SIRPG: variants seen among roughly 807,000 people sequenced by gnomAD.
SIRPG encodes signal-regulatory protein gamma.
In SIRPG, 38 loss-of-function variants were observed where a neutral mutation model predicts 35.7. That is an observed-to-expected ratio of 1.06 (90% confidence interval 0.82 to 1.40). SIRPG has a LOEUF of 1.40. Ranked by LOEUF, SIRPG falls within the 40% of genes most tolerant of loss-of-function variation. SIRPG has a pLI of 0.00. For missense variants in SIRPG, 519 were observed against 483.0 expected (o/e 1.07, Z -0.70); for synonymous variants, 215 against 190.4 (o/e 1.13, Z -1.06).
At chr20:1,674,903 C>T in the SIRPG span, among the ~76,000 whole-genome samples, 1 of 152,312 alleles carries the variant, frequency 6.6e-6, no homozygotes, top group South Asian at 2.1e-4. Flanking sequence ...AATGAAGGCA[C>T]TGCCTCCTTG....
intron 2 of SIRPG, among the ~76,000 whole-genome samples, chr20:1,643,598 A>G (rs2091873621): frequency 6.6e-6 from 1 of 152,074 alleles, no homozygotes; most frequent in African/African-American, 2.4e-5. Context: ...TCCTTTGTCC[A>G]GTTTTGCACC....
At chr20:1,664,674 T>C in the SIRPG span, among the ~76,000 whole-genome samples, 4 of 152,148 alleles carry the variant, frequency 2.6e-5, no homozygotes, top group South Asian at 8.3e-4. Context: ...GGAAAACACG[T>C]CCAGGTTTAA....
chr20:1,634,686 A>G (rs533833845), intron 4 of SIRPG, among the ~76,000 whole-genome samples: 72 of 152,258 alleles, frequency 4.7e-4, no homozygotes, highest in African/African-American at 1.6e-3. Context: ...CTCAAGGAAT[A>G]AGGGAAGGCA....
chr20:1,631,845 C>T (rs6043388), intron 4 of SIRPG, among the ~76,000 whole-genome samples: 36,266 of 152,056 alleles, frequency 0.24, 6,743 homozygotes, highest in African/African-American at 0.51. Flanking sequence ...TAAGGACTAA[C>T]TTGTTCCATG....
chr20:1,649,047 C>T lies in SIRPG; in HGVS notation c.430+5G>A. The T allele has an allele frequency of 1.2e-6, 2 of 1,611,832 alleles. No individual in the cohort carries two copies. Among genetic ancestry groups the T allele is most frequent in the Non-Finnish European group, 1.7e-6 (2 of 1,178,292 alleles). On this transcript the variant is annotated splice_donor_5th_base_variant and intron_variant, in intron 2 of 5. Coordinates refer to ENST00000303415, the MANE Select transcript of SIRPG (RefSeq NM_018556.4). ...GGGGATGAGGGAGGTCCATGTTGTACTCACCACCCAAAGCCATCTCAGTGC... is the reference window on the plus strand; with the variant it reads ...GGGGATGAGGGAGGTCCATGTTGTATTCACCACCCAAAGCCATCTCAGTGC...
chr20:1,635,335 G>T lies in SIRPG; in HGVS notation c.1013C>A (p.Ala338Glu). The T allele has an allele frequency of 6.2e-7, 1 of 1,614,166 alleles. No homozygotes were observed. The highest frequency in any genetic ancestry group is 8.5e-7 in the Non-Finnish European group (1 of 1,180,024). Residue 338 changes from alanine to glutamate, a missense_variant, in exon 4 of 6, where the codon GCG becomes GAG. Physicochemically the swap from Ala to Glu is moderately radical, Grantham distance 107. Transcript: ENST00000303415. ...TCQVKHDGQL[A>E]VSKRLALEVT... is the part of the protein sequence containing the mutation. Reference sequence around the variant, plus strand: ...CTCTAGGGCAAGGCGTTTGCTGACCGCCAGCTGCCCATCATGCTTCACCTG... The same window carrying T: ...CTCTAGGGCAAGGCGTTTGCTGACCTCCAGCTGCCCATCATGCTTCACCTG...
the SIRPG span, among the ~76,000 whole-genome samples, chr20:1,670,460 TA>T: frequency 6.6e-6 from 1 of 152,190 alleles, no homozygotes; most frequent in Non-Finnish European, 1.5e-5. Flanking sequence ...TAGCTCCTAC[TA>T]GGCTAAGAAT....
At chr20:1,653,783 T>C (rs764488012) in intron 1 of SIRPG, among the ~76,000 whole-genome samples, 1 of 152,178 alleles carries the variant, frequency 6.6e-6, no homozygotes, top group Non-Finnish European at 1.5e-5. Flanking sequence ...GCATTTCATA[T>C]AGACTGAAAA....
chr20:1,634,229 C>T (rs1382775529), intron 4 of SIRPG, among the ~76,000 whole-genome samples: 3 of 128,302 alleles, frequency 2.3e-5, no homozygotes, highest in Non-Finnish European at 4.8e-5. Flanking sequence ...TTTTTTTTGA[C>T]AGAGTCTCGC....
chr20:1,666,797 A>G, the SIRPG span, among the ~76,000 whole-genome samples: 37,847 of 152,152 alleles, frequency 0.25, 5,466 homozygotes, highest in East Asian at 0.6. Flanking sequence ...AGCTCCATTC[A>G]TGAGAAGTGC....
chr20:1,676,129 T>C, the SIRPG span, among the ~76,000 whole-genome samples: 1 of 152,214 alleles, frequency 6.6e-6, no homozygotes, highest in African/African-American at 2.4e-5. Flanking sequence ...AACTGGGAAC[T>C]TGCGTCTTTA....
At position 1,642,648 on chromosome 20, in the gene SIRPG, G is replaced by A. The variant is rs144591121; in HGVS notation, c.431-6143C>T. Among the ~76,000 whole-genome samples the A allele has an allele frequency of 4.7e-3, 712 of 152,124 alleles. 8 individuals carry two copies. The highest frequency in any genetic ancestry group is 0.016 in the African/African-American group (677 of 41,510). ...GATTATTTTGCACACCAGTTGATGC[G>A]GTTTCTTCATAGTGATCACTGATCT... On this transcript the variant is annotated intron_variant, in intron 2 of 5. Coordinates refer to ENST00000303415, the MANE Select transcript of SIRPG (RefSeq NM_018556.4).
upstream of SIRPG, among the ~76,000 whole-genome samples, chr20:1,660,723 A>G (rs751283258): frequency 2.0e-5 from 3 of 152,206 alleles, no homozygotes; most frequent in Non-Finnish European, 4.4e-5. Context: ...GGAGTCCATG[A>G]GCCAAAATTC....
At chr20:1,657,581 C>T in intron 1 of SIRPG, 61 bp downstream of exon 1, 1 of 1,542,140 alleles carries the variant, frequency 6.5e-7, no homozygotes, top group Non-Finnish European at 9.0e-7. Context: ...GCTGCAAGTC[C>T]AGGGGCAAGG....
the SIRPG span, among the ~76,000 whole-genome samples, chr20:1,673,894 G>T: frequency 3.3e-5 from 5 of 152,216 alleles, no homozygotes; most frequent in East Asian, 5.8e-4. Context: ...ACACAAACTT[G>T]TTAAAGTTGT....
the SIRPG span, among the ~76,000 whole-genome samples, chr20:1,668,253 CTTTTTCTTTTTCTTTTCTTTCTTTCT>C: frequency 1.5e-5 from 1 of 66,102 alleles, no homozygotes; most frequent in Non-Finnish European, 3.2e-5. Flanking sequence ...CTTTCTTTTT[CTTTTTCTTTTTCTTTTCTTTCTTTCT>C]TTTCTTTCTT....
chr20:1,652,249 A>G (rs1600224970), intron 1 of SIRPG, among the ~76,000 whole-genome samples: 1 of 152,234 alleles, frequency 6.6e-6, no homozygotes, highest in Admixed American at 6.5e-5. Context: ...CTTGTGGTCC[A>G]GATCTAGGGG....
At chr20:1,665,900 G>GAT in the SIRPG span, among the ~76,000 whole-genome samples, 1 of 151,546 alleles carries the variant, frequency 6.6e-6, no homozygotes, top group African/African-American at 2.4e-5. Context: ...GTCTTTTTTG[G>GAT]ATATATATAA....
chr20:1,668,833 G>A, the SIRPG span, among the ~76,000 whole-genome samples: 1 of 152,232 alleles, frequency 6.6e-6, no homozygotes. Context: ...GCATGACTGA[G>A]TGAGCAGTGG....
Sources: gnomAD v4.1 joint callset for allele counts (sites outside exome capture counted in the v4.1 genomes callset) on GRCh38, gnomAD v4.1.1 for gene constraint, MANE v1.5 for transcripts, NCBI Gene and HGNC (gene_info 2026-07-23, HGNC 2026-07-21) for gene names.